CC2D2B: variants seen among roughly 807,000 people sequenced by gnomAD.
The protein encoded by CC2D2B is coiled-coil and C2 domain containing 2B.
In CC2D2B, 128 loss-of-function variants were observed where a neutral mutation model predicts 161.2. The ratio of observed to expected loss-of-function variants is 0.79; its 90% CI spans 0.69 to 0.92. CC2D2B has a LOEUF of 0.92. Among genes scored for constraint, CC2D2B ranks in the 40% least tolerant of loss-of-function variants. The pLI is 0.00. For missense variants in CC2D2B, 1,173 were observed against 1,375.1 expected (o/e 0.85, Z 2.32); for synonymous variants, 391 against 449.8 (o/e 0.87, Z 1.65).
chr10:96,019,364 G>GAC (rs1564677315), intron 31 of CC2D2B, 27 bp downstream of exon 31: 1 of 1,591,854 alleles, frequency 6.3e-7, no homozygotes, highest in South Asian at 1.1e-5. Flanking sequence ...AAAAAATCTT[G>GAC]AGTTATCTCC....
intron 17 of CC2D2B, among the ~76,000 whole-genome samples, chr10:95,976,414 A>C (rs1283142244): frequency 6.6e-6 from 1 of 152,232 alleles, no homozygotes; most frequent in Non-Finnish European, 1.5e-5. Context: ...GTTACATGCA[A>C]GAGTGGGACA....
In CC2D2B at chr10:95,992,661, C is replaced by CCT. The variant is rs1372451179; in HGVS notation, c.2607_2608dup (p.Tyr870SerfsTer21). The CCT allele has an allele frequency of 3.1e-5, 38 of 1,234,082 alleles. No individual in the cohort carries two copies. The highest frequency in any genetic ancestry group is 3.8e-5 in the Non-Finnish European group (38 of 988,058). The allele number at this position is 1,234,082 out of a possible 1,614,324, so 76.4% of individuals were successfully genotyped here. A position where few individuals can be genotyped will look rare whatever the true frequency, so the allele number is the denominator to read the frequency against. ...AAGATTCTTGTCCGAATAGTGAGGG[C>CCT]CTATAATATTCCTACCAGAAAAACA... On this transcript the variant is annotated frameshift_variant, in exon 22 of 35. Transcript: ENST00000646931. LOFTEE classifies it high-confidence loss of function.
chr10:95,952,861 T>C (rs1391195797), intron 10 of CC2D2B, among the ~76,000 whole-genome samples: 1 of 152,138 alleles, frequency 6.6e-6, no homozygotes, highest in Non-Finnish European at 1.5e-5. Context: ...TGAACACATA[T>C]ATGAAAACTT....
At chr10:95,999,882 C>A in intron 24 of CC2D2B, 1 of 494,184 alleles carries the variant, frequency 2.0e-6, no homozygotes, top group South Asian at 1.8e-5. Flanking sequence ...TCAGTTGAAC[C>A]CAGGTACCTT....
At chr10:95,956,291 A>G (rs2076564640) in intron 11 of CC2D2B, among the ~76,000 whole-genome samples, 1 of 152,146 alleles carries the variant, frequency 6.6e-6, no homozygotes, top group Non-Finnish European at 1.5e-5. Context: ...TCACACACAC[A>G]CAAAGACAGC....
At chr10:96,027,088 A>T (rs2079814595) in intron 33 of CC2D2B, 124 bp from the exon 34 acceptor site, 1 of 636,506 alleles carries the variant, frequency 1.6e-6, no homozygotes, top group Non-Finnish European at 2.5e-6. Flanking sequence ...TCACCATTGC[A>T]CTCCAGCCTG....
intron 9 of CC2D2B, among the ~76,000 whole-genome samples, chr10:95,945,107 T>C (rs905494007): frequency 2.6e-5 from 4 of 152,312 alleles, no homozygotes; most frequent in African/African-American, 9.6e-5. Flanking sequence ...AGACATGAGA[T>C]GTGGTGTCTT....
intron 20 of CC2D2B, among the ~76,000 whole-genome samples, chr10:95,990,288 G>A (rs900775563): frequency 2.0e-5 from 3 of 152,040 alleles, no homozygotes; most frequent in Non-Finnish European, 4.4e-5. Flanking sequence ...GGTGAGTAAG[G>A]GCACAATTTT....
chr10:96,026,546 C>G (rs950899090), intron 33 of CC2D2B, among the ~76,000 whole-genome samples: 2 of 152,050 alleles, frequency 1.3e-5, no homozygotes, highest in Admixed American at 6.6e-5. Flanking sequence ...ACAAAATGTC[C>G]AAGTCAAGGG....
At chr10:95,925,063 A>T (rs1203253547) in intron 5 of CC2D2B, among the ~76,000 whole-genome samples, 1 of 152,190 alleles carries the variant, frequency 6.6e-6, no homozygotes, top group Non-Finnish European at 1.5e-5. Flanking sequence ...CTTACTTGGC[A>T]TTACTTTTTA....
At chr10:95,913,432 G>A in intron 2 of CC2D2B, 1 of 418,494 alleles carries the variant, frequency 2.4e-6, no homozygotes, top group South Asian at 1.8e-5. Context: ...AAACATGGGA[G>A]TGCAGGTATG....
chr10:96,001,336 C>T (rs1254297166), intron 24 of CC2D2B, among the ~76,000 whole-genome samples: 2 of 152,092 alleles, frequency 1.3e-5, no homozygotes, highest in Admixed American at 6.5e-5. Flanking sequence ...GCAGGATTGT[C>T]GTGGATTAGC....
rs751069020 is a variant in CC2D2B, at chr10:95,947,526, G to A, written c.802-2370G>A. The stretch of plus-strand genomic sequence containing the variant: ...TGGGAGGCCGAGGTGGGCAGATCAC[G>A]AGGTCAGGAGATCAAGACTATCCTG... On this transcript the variant is annotated intron_variant, in intron 9 of 34. Transcript: ENST00000646931. Among the ~76,000 whole-genome samples, 12 of 152,012 alleles carry A rather than the reference G, an allele frequency of 7.9e-5. 1 individual carries two copies. The highest frequency in any genetic ancestry group is 6.8e-3 in the Middle Eastern group (2 of 294).
chr10:95,918,204 A>C (rs2098520230), intron 2 of CC2D2B, among the ~76,000 whole-genome samples: 1 of 152,234 alleles, frequency 6.6e-6, no homozygotes, highest in African/African-American at 2.4e-5. Context: ...CCTAATTACA[A>C]GAGAGTTTTG....
At chr10:96,016,893 AT>A (rs2079223998) in intron 30 of CC2D2B, among the ~76,000 whole-genome samples, 1 of 151,906 alleles carries the variant, frequency 6.6e-6, no homozygotes, top group African/African-American at 2.4e-5. Context: ...AATTTTTTGT[AT>A]TTTTAGTAGA....
intron 11 of CC2D2B, among the ~76,000 whole-genome samples, chr10:95,957,048 AT>A (rs1315094666): frequency 6.6e-6 from 1 of 152,058 alleles, no homozygotes; most frequent in African/African-American, 2.4e-5. Flanking sequence ...ATTGGGGTTA[AT>A]TTTGGTCAAT....
chr10:95,947,116 T>A (rs1239714712), intron 9 of CC2D2B, among the ~76,000 whole-genome samples: 4,921 of 31,546 alleles, frequency 0.16, 248 homozygotes, highest in African/African-American at 0.19. Flanking sequence ...TATATATATT[T>A]TTTTTTTTTT....
chr10:95,938,029 T>G lies in CC2D2B; in HGVS notation c.375T>G (p.Leu125=). ...VNRSYPKCFS[L]GVNLQNVAES... ...GTAGTTATCCCAAATGCTTTTCACT[T>G]GGTGTTAATTTACAAAATGTTGCTG... The change falls in exon 7 of 35, where the codon CTT becomes CTG. Residue 125 remains leucine, a synonymous_variant. Coordinates refer to ENST00000646931, the MANE Select transcript of CC2D2B (RefSeq NM_001349008.3). 6.4e-7 allele frequency: 1 copy of G among 1,550,960 alleles called. No individual in the cohort carries two copies.
chr10:95,908,166 C>A (rs1476657052), intron 1 of CC2D2B, 109 bp downstream of exon 1: 4 of 152,398 alleles, frequency 2.6e-5, no homozygotes, highest in Admixed American at 2.0e-4. Flanking sequence ...CTGGGATAAC[C>A]GGAGCCGGGG....
Sources: allele counts gnomAD v4.1 joint callset (sites outside exome capture counted in the v4.1 genomes callset), GRCh38; gene constraint gnomAD v4.1.1; transcripts MANE v1.5; gene names NCBI Gene and HGNC (gene_info 2026-07-23, HGNC 2026-07-21).